Variants in CSMD1 observed in about 807,000 individuals in gnomAD.
CSMD1 encodes CUB and Sushi multiple domains 1.
A neutral mutation model predicts 417.5 loss-of-function variants in CSMD1; 213 were observed. The observed-to-expected ratio is 0.51, with a 90% CI of 0.46 to 0.57. The LOEUF is 0.57. CSMD1 is among the 20% of genes least tolerant of loss of function. The probability of loss-of-function intolerance (pLI) is 0.00; values close to 1 mark genes in which losing one functional copy is unlikely to be tolerated. For missense variants in CSMD1, 6,923 were observed against 4,529.7 expected (o/e 1.53, Z -15.17); for synonymous variants, 2,862 against 1,736.8 (o/e 1.65, Z -16.11).
At chr8:3,873,660 G>T (rs1204629026) in intron 5 of CSMD1, among the ~76,000 whole-genome samples, 1 of 152,024 alleles carries the variant, frequency 6.6e-6, no homozygotes, top group South Asian at 2.1e-4. Flanking sequence ...CATGACACTA[G>T]TTTATCTATA....
chr8:4,290,165 G>A (rs1312933477), intron 3 of CSMD1, among the ~76,000 whole-genome samples: 2 of 152,192 alleles, frequency 1.3e-5, no homozygotes, highest in African/African-American at 4.8e-5. Flanking sequence ...CCCAGGTAAA[G>A]CAGAGTTGCG....
At chr8:4,536,865 A>C (rs998967590) in intron 2 of CSMD1, among the ~76,000 whole-genome samples, 1 of 152,200 alleles carries the variant, frequency 6.6e-6, no homozygotes, top group Non-Finnish European at 1.5e-5. Context: ...TTTGCACAAT[A>C]GTGCATCAGA....
intron 1 of CSMD1, among the ~76,000 whole-genome samples, chr8:4,933,104 T>C (rs1410816975): frequency 6.6e-6 from 1 of 152,226 alleles, no homozygotes; most frequent in Non-Finnish European, 1.5e-5. Flanking sequence ...TTAATCACCT[T>C]ACATACTTGT....
Position 3,671,583 on chromosome 8 carries a change from ATATATATATATG to A in CSMD1, c.1009+36819_1009+36830del, listed in dbSNP as rs1563257201. 6.1e-3 allele frequency among the ~76,000 whole-genome samples: 681 copies of A among 111,766 alleles called. 47 individuals carry two copies. The highest frequency in any genetic ancestry group is 0.016 in the East Asian group (61 of 3,910). The allele number at this position is 111,766 out of a possible 152,430, so 73.3% of individuals were successfully genotyped here. On this transcript the variant is annotated intron_variant, in intron 7 of 69. Transcript: ENST00000635120. ...ATCATATATATATATATATATATAT[ATATATATATATG>A]ATTAGTTCTATCTCTTTAGATAACC... is the stretch of plus-strand genomic sequence containing the variant.
intron 15 of CSMD1, among the ~76,000 whole-genome samples, chr8:3,405,483 T>C (rs1341248226): frequency 6.6e-6 from 1 of 152,198 alleles, no homozygotes; most frequent in South Asian, 2.1e-4. Context: ...GCAACACTGT[T>C]ATAGGTTGAA....
At chr8:4,215,118 G>C (rs943161418) in intron 3 of CSMD1, among the ~76,000 whole-genome samples, 2 of 152,164 alleles carry the variant, frequency 1.3e-5, no homozygotes. Context: ...ATAGGTCTCA[G>C]TTCTCAGGGT....
At chr8:4,195,062 C>G (rs775170991) in intron 3 of CSMD1, among the ~76,000 whole-genome samples, 8 of 152,166 alleles carry the variant, frequency 5.3e-5, no homozygotes, top group Non-Finnish European at 8.8e-5. Context: ...AAGCAGTATT[C>G]AGCTGTTACG....
intron 51 of CSMD1, among the ~76,000 whole-genome samples, chr8:3,026,237 C>A (rs145557061): frequency 2.0e-3 from 303 of 152,088 alleles, no homozygotes; most frequent in Middle Eastern, 3.4e-3. Flanking sequence ...ATTTCCCCAT[C>A]AGCAGCAGCA....
At chr8:3,337,485 G>C (rs1018664685) in intron 23 of CSMD1, among the ~76,000 whole-genome samples, 1 of 151,996 alleles carries the variant, frequency 6.6e-6, no homozygotes, top group Admixed American at 6.6e-5. Context: ...ATCTCTTTGC[G>C]GTTGGCAGTC....
intron 1 of CSMD1, among the ~76,000 whole-genome samples, chr8:4,743,338 CA>C (rs1219230661): frequency 2.0e-5 from 3 of 151,992 alleles, no homozygotes; most frequent in Non-Finnish European, 4.4e-5. Flanking sequence ...ACTAAATGGA[CA>C]AAAACCAAAC....
Position 4,792,934 on chromosome 8 carries a change from G to A in CSMD1, c.86-155376C>T, listed in dbSNP as rs142553438. 3.6e-3 allele frequency among the ~76,000 whole-genome samples: 544 copies of A among 151,696 alleles called. 8 individuals are homozygous for A. Among genetic ancestry groups the A allele is most frequent in the South Asian group, 0.032 (153 of 4,800 alleles). On this transcript the variant is annotated intron_variant, in intron 1 of 69. Transcript: ENST00000635120. ...ATAGAGTTCAGTATGATTAAAAAGG[G>A]ATGCAAATTATATATGTATATGGAA...
At chr8:3,604,302 G>T (rs139421957) in intron 8 of CSMD1, among the ~76,000 whole-genome samples, 2,048 of 151,308 alleles carry the variant, frequency 0.014, 22 homozygotes, top group South Asian at 0.035. Context: ...GAGGCTGCGG[G>T]GGGGGACCAA....
chr8:4,738,826 G>A (rs907504251), intron 1 of CSMD1, among the ~76,000 whole-genome samples: 2 of 151,542 alleles, frequency 1.3e-5, no homozygotes, highest in African/African-American at 2.4e-5. Context: ...AACTACAGAT[G>A]GAGAATAGAA....
intron 5 of CSMD1, among the ~76,000 whole-genome samples, chr8:3,801,832 G>C (rs1377271931): frequency 6.6e-6 from 1 of 152,088 alleles, no homozygotes. Context: ...GGAATACTGA[G>C]GGACCAGAAT....
chr8:3,973,810 G>C (rs1813236903), intron 5 of CSMD1, among the ~76,000 whole-genome samples: 1 of 152,054 alleles, frequency 6.6e-6, no homozygotes, highest in Admixed American at 6.6e-5. Flanking sequence ...AACCAGCCCT[G>C]GCCTTTTATG....
intron 49 of CSMD1, among the ~76,000 whole-genome samples, chr8:3,080,600 G>A (rs192093555): frequency 5.9e-5 from 9 of 152,194 alleles, no homozygotes; most frequent in Non-Finnish European, 8.8e-5. Flanking sequence ...ATCTCTGTCC[G>A]GGTTGTGGCC....
chr8:4,614,145 A>T (rs775930642), intron 2 of CSMD1, among the ~76,000 whole-genome samples: 4 of 150,548 alleles, frequency 2.7e-5, no homozygotes, highest in Non-Finnish European at 5.9e-5. Flanking sequence ...TTAAGTTCTG[A>T]TAATAATAAT....
chr8:4,295,861 T>C (rs1018833190), intron 3 of CSMD1, among the ~76,000 whole-genome samples: 8 of 149,320 alleles, frequency 5.4e-5, no homozygotes, highest in African/African-American at 1.5e-4. Flanking sequence ...TCAACCATTA[T>C]CCCAAACAAG....
At chr8:4,778,344 C>T (rs551804217) in intron 1 of CSMD1, among the ~76,000 whole-genome samples, 14 of 152,242 alleles carry the variant, frequency 9.2e-5, no homozygotes, top group African/African-American at 3.4e-4. Flanking sequence ...ATGATATCCC[C>T]ATTGTTTTGA....
Sources: gnomAD v4.1 joint callset for allele counts (sites outside exome capture counted in the v4.1 genomes callset) on GRCh38, gnomAD v4.1.1 for gene constraint, MANE v1.5 for transcripts, NCBI Gene and HGNC (gene_info 2026-07-23, HGNC 2026-07-21) for gene names.